Variants in SNX30 observed in about 807,000 individuals in gnomAD.
The protein encoded by SNX30 is sorting nexin family member 30.
A neutral mutation model predicts 46.4 loss-of-function variants in SNX30; 24 were observed. The ratio of observed to expected loss-of-function variants is 0.52; its 90% CI spans 0.37 to 0.73. SNX30 has a LOEUF of 0.73. Among genes scored for constraint, SNX30 ranks in the 30% least tolerant of loss-of-function variants. The probability of loss-of-function intolerance (pLI) is 0.00; values close to 1 mark genes in which losing one functional copy is unlikely to be tolerated. For synonymous variants in SNX30, 189 were observed against 211.5 expected, an observed-to-expected ratio of 0.89 and a Z score of 0.92; for missense variants, 533 against 555.7, an observed-to-expected ratio of 0.96 and a Z score of 0.41.
chr9:112,878,337 T>C (rs1358635991), downstream of SNX30: 1 of 152,300 alleles, frequency 6.6e-6, no homozygotes, highest in Non-Finnish European at 1.5e-5. Context: ...TCCTAAACCT[T>C]TGATATATTT....
chr9:112,873,439 A>G lies in SNX30; in HGVS notation c.*4596A>G, dbSNP rs1841476938. 1 of 152,212 alleles carries G rather than the reference A, an allele frequency of 6.6e-6. No homozygotes were observed. Among genetic ancestry groups the G allele is most frequent in the Non-Finnish European group, 1.5e-5 (1 of 68,034 alleles). 9.4% of individuals were successfully genotyped at this position (152,212 alleles called of 1,614,324 possible). ...CTAGTGTTTTAAAAGTCCTGGGTAG[A>G]AAGAGTTTTAGAAATGTAATCAGTT... On this transcript the variant is annotated 3_prime_UTR_variant, in exon 9 of 9. Transcript: ENST00000374232.
At chr9:112,777,307 C>T (rs148692061) in intron 1 of SNX30, among the ~76,000 whole-genome samples, 2 of 152,266 alleles carry the variant, frequency 1.3e-5, no homozygotes, top group Admixed American at 6.5e-5. Context: ...GAGCTCAGCC[C>T]GTCACCATTG....
intron 3 of SNX30, among the ~76,000 whole-genome samples, chr9:112,829,075 A>G (rs1284671637): frequency 2.0e-5 from 3 of 152,078 alleles, no homozygotes; most frequent in African/African-American, 7.2e-5. Flanking sequence ...ATGATGTAGC[A>G]TGTTTTAGTA....
downstream of SNX30, among the ~76,000 whole-genome samples, chr9:112,876,158 G>C (rs1841514548): frequency 6.6e-6 from 1 of 152,106 alleles, no homozygotes. Context: ...CCTGAAGAAT[G>C]GGGAGGAATA....
At chr9:112,758,545 GT>G (rs1839387388) in intron 1 of SNX30, among the ~76,000 whole-genome samples, 1 of 152,070 alleles carries the variant, frequency 6.6e-6, no homozygotes, top group Non-Finnish European at 1.5e-5. Context: ...GGCCAGGCTG[GT>G]CTTGACGCCT....
Position 112,770,425 on chromosome 9 carries a change from C to T in SNX30, c.156+19268C>T, listed in dbSNP as rs534899234. Among the ~76,000 whole-genome samples, 29 of 152,030 alleles carry T rather than the reference C, an allele frequency of 1.9e-4. No individual in the cohort carries two copies. The South Asian group carries it at 6.0e-3, about 32-fold the overall frequency. On this transcript the variant is annotated intron_variant, in intron 1 of 8. Transcript: ENST00000374232. ...CGACCTTGTGATCTGCCCACCTCGT[C>T]CCCCCAAAGTGCTGGGATTACAGGT...
chr9:112,831,858 A>T (rs1012601439), intron 4 of SNX30, among the ~76,000 whole-genome samples: 2 of 152,240 alleles, frequency 1.3e-5, no homozygotes, highest in Admixed American at 6.5e-5. Flanking sequence ...ATGGGGTCAC[A>T]TGCTCAGACC....
intron 3 of SNX30, among the ~76,000 whole-genome samples, chr9:112,819,545 G>T (rs566442075): frequency 2.0e-5 from 3 of 152,216 alleles, no homozygotes; most frequent in African/African-American, 7.2e-5. Flanking sequence ...GGGATTACAG[G>T]TGTGAGCCAC....
chr9:112,832,838 AT>A (rs1474365943), intron 4 of SNX30, among the ~76,000 whole-genome samples: 1 of 146,938 alleles, frequency 6.8e-6, no homozygotes, highest in African/African-American at 2.5e-5. Flanking sequence ...TAATAAATAT[AT>A]TAATATATAA....
chr9:112,850,087 G>T (rs920073180), intron 6 of SNX30, among the ~76,000 whole-genome samples: 3 of 152,202 alleles, frequency 2.0e-5, no homozygotes, highest in African/African-American at 7.2e-5. Flanking sequence ...TGCCAACCTT[G>T]TACTCACATG....
chr9:112,808,049 T>C (rs1357406623), intron 2 of SNX30, among the ~76,000 whole-genome samples: 1 of 152,220 alleles, frequency 6.6e-6, no homozygotes, highest in Non-Finnish European at 1.5e-5. Flanking sequence ...CTGTTTCTAA[T>C]AGTGACACCA....
chr9:112,751,165 G>T lies in SNX30; in HGVS notation c.156+8G>T. ...CGCAGCTTCGGTGACAAGGTGGGGC[G>T]CCTGGGGCCGGGGAGTGGGAGGCTT... On this transcript the variant is annotated splice_region_variant and intron_variant, in intron 1 of 8. Transcript: ENST00000374232. The T allele has an allele frequency of 3.3e-6, 5 of 1,498,678 alleles. No individual in the cohort carries two copies. Among genetic ancestry groups the T allele is most frequent in the South Asian group, 1.3e-5 (1 of 78,488 alleles). The allele number at this position is 1,498,678 out of a possible 1,614,324, so 92.8% of individuals were successfully genotyped here. A position where few individuals can be genotyped will look rare whatever the true frequency, so the allele number is the denominator to read the frequency against.
intron 1 of SNX30, among the ~76,000 whole-genome samples, chr9:112,760,281 T>C (rs2645992): frequency 0.58 from 87,938 of 151,896 alleles, 25,690 homozygotes; most frequent in South Asian, 0.73. Flanking sequence ...GCTGGGACCT[T>C]AGAGGAAGGG....
intron 3 of SNX30, among the ~76,000 whole-genome samples, chr9:112,821,712 T>A (rs1840498956): frequency 6.6e-6 from 1 of 151,990 alleles, no homozygotes; most frequent in African/African-American, 2.4e-5. Flanking sequence ...GGTCTCCATC[T>A]CCTGACCTCG....
At chr9:112,859,093 C>T (rs1039077123) in intron 7 of SNX30, among the ~76,000 whole-genome samples, 3 of 152,114 alleles carry the variant, frequency 2.0e-5, no homozygotes, top group Non-Finnish European at 2.9e-5. Context: ...CTCCATTCCC[C>T]CTCCTGCCGG....
intron 1 of SNX30, among the ~76,000 whole-genome samples, chr9:112,756,435 C>CTT (rs61338659): frequency 6.2e-4 from 42 of 67,404 alleles, no homozygotes; most frequent in African/African-American, 1.6e-3. Flanking sequence ...TGTAATCATC[C>CTT]TTTTTTTTTT....
chr9:112,877,239 AG>A (rs1841528792), downstream of SNX30: 1 of 152,242 alleles, frequency 6.6e-6, no homozygotes, highest in South Asian at 2.1e-4. Flanking sequence ...GGAGTTGAAA[AG>A]GAGCCAATAC....
rs1321851134 is a variant in SNX30 at position 112,798,123 on chromosome 9, T to A, written c.157-6653T>A. Among the ~76,000 whole-genome samples the A allele has an allele frequency of 4.0e-3, 17 of 4,260 alleles. No homozygotes were observed. In the East Asian group the frequency reaches 0.12, roughly 30 times the overall value. 2.8% of individuals were successfully genotyped at this position (4,260 alleles called of 152,430 possible). A position where few individuals can be genotyped will look rare whatever the true frequency, so the allele number is the denominator to read the frequency against. ...TTGAGGTTTGTTTTTTTTTTTTTCT[T>A]TTTTTTTTTTTTTTTTTATTATACT... On this transcript the variant is annotated intron_variant, in intron 1 of 8. Coordinates refer to ENST00000374232, the MANE Select transcript of SNX30 (RefSeq NM_001012994.2).
At chr9:112,771,212 A>G (rs979663614) in intron 1 of SNX30, among the ~76,000 whole-genome samples, 7 of 152,110 alleles carry the variant, frequency 4.6e-5, no homozygotes, top group Non-Finnish European at 1.0e-4. Context: ...CATGAACCAA[A>G]CCTGGTATGG....
Sources: gnomAD v4.1 joint callset for allele counts (sites outside exome capture counted in the v4.1 genomes callset) on GRCh38, gnomAD v4.1.1 for gene constraint, MANE v1.5 for transcripts, NCBI Gene and HGNC (gene_info 2026-07-23, HGNC 2026-07-21) for gene names.